CSRNP3: variants seen among roughly 807,000 people sequenced by gnomAD.
CSRNP3 encodes cysteine and serine rich nuclear protein 3, also known as cysteine/serine-rich nuclear protein 3.
CSRNP3 carries 12 observed loss-of-function variants against 48.0 expected under a neutral mutation model. That is an observed-to-expected ratio of 0.25 (90% confidence interval 0.16 to 0.41). The LOEUF (loss-of-function observed/expected upper bound fraction) is 0.41, where lower values mean the gene tolerates loss of function less well. Ranked by LOEUF, CSRNP3 falls within the 10% of genes least tolerant of loss-of-function variation. The pLI is 1.00. For missense variants in CSRNP3, 580 were observed against 724.4 expected, an observed-to-expected ratio of 0.80 and a Z score of 2.29; for synonymous variants, 263 against 269.7, an observed-to-expected ratio of 0.98 and a Z score of 0.24.
At chr2:165,666,720 G>A (rs1687219610) in intron 5 of CSRNP3, among the ~76,000 whole-genome samples, 1 of 138,462 alleles carries the variant, frequency 7.2e-6, no homozygotes, top group South Asian at 2.4e-4. Flanking sequence ...AGGAAGGAAA[G>A]AGAGAGGAAA....
At chr2:165,643,660 T>A (rs993782663) in intron 4 of CSRNP3, among the ~76,000 whole-genome samples, 1 of 152,206 alleles carries the variant, frequency 6.6e-6, no homozygotes, top group Non-Finnish European at 1.5e-5. Context: ...TCATTCAACT[T>A]ATATTCTAGA....
At position 165,480,926 on chromosome 2, in the gene CSRNP3, A is replaced by C. The variant is rs185396031; in HGVS notation, c.-283+11186A>C. 5.5e-3 allele frequency among the ~76,000 whole-genome samples: 826 copies of C among 150,188 alleles called. 10 individuals carry two copies. The highest frequency in any genetic ancestry group is 0.019 in the African/African-American group (784 of 41,032). ...CACTTTGAGAGGCTGAGGCAGGAAG[A>C]TTGCTTGAGCCCAGGAATTCAAAAC... On this transcript the variant is annotated intron_variant, in intron 1 of 6. Transcript: ENST00000651982.
At chr2:165,649,063 C>T (rs573941396) in intron 4 of CSRNP3, among the ~76,000 whole-genome samples, 31 of 152,214 alleles carry the variant, frequency 2.0e-4, no homozygotes, top group African/African-American at 6.7e-4. Context: ...GAATGGATGA[C>T]GACGTGACAT....
intron 4 of CSRNP3, among the ~76,000 whole-genome samples, chr2:165,623,247 G>A (rs1686371705): frequency 6.6e-6 from 1 of 152,164 alleles, no homozygotes; most frequent in Admixed American, 6.5e-5. Context: ...GTTAAGAAGT[G>A]GGCCGCACAG....
chr2:165,675,175 T>A (rs943230030), intron 5 of CSRNP3, among the ~76,000 whole-genome samples: 1 of 152,168 alleles, frequency 6.6e-6, no homozygotes, highest in Non-Finnish European at 1.5e-5. Flanking sequence ...AATGTTAGAC[T>A]TTTTCCTGTA....
At chr2:165,634,490 G>A (rs1686595689) in intron 4 of CSRNP3, among the ~76,000 whole-genome samples, 1 of 152,200 alleles carries the variant, frequency 6.6e-6, no homozygotes, top group Non-Finnish European at 1.5e-5. Context: ...TTCTTACAAA[G>A]GTTACATTCT....
chr2:165,497,359 A>G (rs1391803178), intron 2 of CSRNP3, among the ~76,000 whole-genome samples: 1 of 152,072 alleles, frequency 6.6e-6, no homozygotes, highest in Non-Finnish European at 1.5e-5. Context: ...GGGAATGGTG[A>G]TAGGCATCAT....
Position 165,688,690 on chromosome 2 carries a change from G to A in CSRNP3, c.*8937G>A, listed in dbSNP as rs1024574141. ...AGATCAAATGATCCAAAGGACTTGG[G>A]TGTTATCCTTCAGTCTGTGTTGAAC... On this transcript the variant is annotated 3_prime_UTR_variant, in exon 7 of 7. Coordinates refer to ENST00000651982, the MANE Select transcript of CSRNP3 (RefSeq NM_001172173.2). 6.6e-6 allele frequency: 1 copy of A among 151,904 alleles called. No homozygotes were observed. The highest frequency in any genetic ancestry group is 2.4e-5 in the African/African-American group (1 of 41,372). The allele number at this position is 151,904 out of a possible 1,614,324, so 9.4% of individuals were successfully genotyped here.
intron 3 of CSRNP3, among the ~76,000 whole-genome samples, chr2:165,520,779 TATATTATATATATATATATA>T (rs1333382324): frequency 3.2e-4 from 3 of 9,372 alleles, no homozygotes; most frequent in Non-Finnish European, 4.8e-4. Context: ...ATTATATATA[TATATTATATATATATATATA>T]TATATATATA....
intron 3 of CSRNP3, among the ~76,000 whole-genome samples, chr2:165,558,483 A>G (rs1240441144): frequency 6.6e-6 from 1 of 152,196 alleles, no homozygotes; most frequent in Non-Finnish European, 1.5e-5. Flanking sequence ...TGGGAGGACC[A>G]TATCTGTATC....
At position 165,687,296 on chromosome 2, in the gene CSRNP3, G is replaced by A. The variant is rs774838431; in HGVS notation, c.*7543G>A. 1.3e-5 allele frequency: 2 copies of A among 152,052 alleles called. No homozygotes were observed. Among genetic ancestry groups the A allele is most frequent in the Non-Finnish European group, 2.9e-5 (2 of 68,000 alleles). The allele number at this position is 152,052 out of a possible 1,614,324, so 9.4% of individuals were successfully genotyped here. On this transcript the variant is annotated 3_prime_UTR_variant, in exon 7 of 7. Transcript: ENST00000651982. Reference sequence around the variant, plus strand: ...TGACCAACTTTTGACAAATATGGCTGTACTAGGTTTTCATTTTTGCTGTTG... The same window carrying A: ...TGACCAACTTTTGACAAATATGGCTATACTAGGTTTTCATTTTTGCTGTTG...
chr2:165,496,499 T>C (rs75723246), intron 2 of CSRNP3, among the ~76,000 whole-genome samples: 1 of 152,080 alleles, frequency 6.6e-6, no homozygotes, highest in East Asian at 1.9e-4. Flanking sequence ...TGACAAATCT[T>C]AAAAGCTGGA....
intron 2 of CSRNP3, among the ~76,000 whole-genome samples, chr2:165,495,558 C>A (rs1684273362): frequency 6.6e-6 from 1 of 151,994 alleles, no homozygotes; most frequent in African/African-American, 2.4e-5. Flanking sequence ...AATGGCAATC[C>A]TTGTAAAAGA....
chr2:165,501,473 T>C (rs1450227305), intron 2 of CSRNP3, among the ~76,000 whole-genome samples: 1 of 152,154 alleles, frequency 6.6e-6, no homozygotes, highest in African/African-American at 2.4e-5. Flanking sequence ...ATGGTTGGAA[T>C]TTATAATTAC....
intron 4 of CSRNP3, among the ~76,000 whole-genome samples, chr2:165,637,881 T>C (rs1020832899): frequency 2.6e-5 from 4 of 152,250 alleles, no homozygotes; most frequent in African/African-American, 7.2e-5. Flanking sequence ...AGTATTCGCA[T>C]TGTATTAACC....
chr2:165,514,697 C>G (rs1310822809), intron 2 of CSRNP3, among the ~76,000 whole-genome samples: 1 of 152,278 alleles, frequency 6.6e-6, no homozygotes, highest in African/African-American at 2.4e-5. Context: ...ATATGTCATT[C>G]TTCCCAACTC....
chr2:165,620,812 T>C (rs968962438), intron 4 of CSRNP3, among the ~76,000 whole-genome samples: 3 of 152,160 alleles, frequency 2.0e-5, no homozygotes, highest in Admixed American at 1.3e-4. Flanking sequence ...TGTAGGATAT[T>C]ATATTATAAT....
chr2:165,530,973 CT>C (rs550082151), intron 3 of CSRNP3, among the ~76,000 whole-genome samples: 1,513 of 147,770 alleles, frequency 0.01, 15 homozygotes, highest in Middle Eastern at 0.04. Context: ...CCATAAAATT[CT>C]TTTTTTTTTC....
intron 5 of CSRNP3, among the ~76,000 whole-genome samples, chr2:165,666,420 G>T (rs111162545): frequency 0.071 from 1,736 of 24,562 alleles, 135 homozygotes; most frequent in Middle Eastern, 0.15. Flanking sequence ...AAGAGAGAGA[G>T]GAAGAAAGAA....
Sources: gnomAD v4.1 joint callset for allele counts (sites outside exome capture counted in the v4.1 genomes callset) on GRCh38, gnomAD v4.1.1 for gene constraint, MANE v1.5 for transcripts, NCBI Gene and HGNC (gene_info 2026-07-23, HGNC 2026-07-21) for gene names.